The following MZT2B variants were observed in gnomAD, a reference collection of about 807,000 sequenced individuals.
MZT2B encodes mitotic-spindle organizing protein 2B.
In MZT2B, 11 loss-of-function variants were observed where a neutral mutation model predicts 12.1. The observed-to-expected ratio is 0.91, with a 90% CI of 0.57 to 1.50. MZT2B has a LOEUF of 1.50. Ranked by LOEUF, MZT2B falls within the 40% of genes most tolerant of loss-of-function variation. MZT2B has a pLI of 0.00. For synonymous variants in MZT2B, 85 were observed against 109.5 expected, an observed-to-expected ratio of 0.78 and a Z score of 1.40; for missense variants, 209 against 227.7, an observed-to-expected ratio of 0.92 and a Z score of 0.53.
the MZT2B span, among the ~76,000 whole-genome samples, chr2:130,199,550 G>GA: frequency 4.5e-4 from 53 of 116,764 alleles, 9 homozygotes; most frequent in African/African-American, 9.1e-4. Flanking sequence ...ACTCCATCTT[G>GA]AAAAAAAAAA....
the MZT2B span, chr2:130,202,490 T>G: frequency 8.6e-6 from 11 of 1,277,648 alleles, no homozygotes; most frequent in Admixed American, 9.3e-5. Context: ...TTGCAGAGTT[T>G]TGTAAGGTTC....
At chr2:130,195,218 C>T (rs781740873), downstream of MZT2B, 7 of 1,613,730 alleles carry the variant, frequency 4.3e-6, no homozygotes, top group South Asian at 1.1e-5. Flanking sequence ...GGTCCCTGTG[C>T]GCACTTCATC....
At chr2:130,182,473 C>G (rs1298723412) in intron 1 of MZT2B, 21 bp downstream of exon 1, 5 of 1,541,596 alleles carry the variant, frequency 3.2e-6, no homozygotes, top group Non-Finnish European at 4.4e-6. Context: ...CGGGTGGGGG[C>G]CGCATGCTAG....
chr2:130,184,894 G>C, intron 2 of MZT2B: 3 of 985,320 alleles, frequency 3.0e-6, no homozygotes, highest in South Asian at 4.7e-5. Flanking sequence ...GACCAGTGTG[G>C]TGGCTCACAC....
At chr2:130,192,136 G>A, downstream of MZT2B, 2 of 1,589,584 alleles carry the variant, frequency 1.3e-6, no homozygotes, top group South Asian at 2.3e-5. Context: ...ACCTGCCAGA[G>A]AAGGGAAAGA....
chr2:130,201,311 C>T, the MZT2B span, among the ~76,000 whole-genome samples: 2 of 152,224 alleles, frequency 1.3e-5, no homozygotes, highest in Non-Finnish European at 2.9e-5. Flanking sequence ...AAAAATACCA[C>T]TGACTGAGTG....
chr2:130,198,565 T>A, the MZT2B span: 1 of 566,900 alleles, frequency 1.8e-6, no homozygotes, highest in Non-Finnish European at 2.8e-6. Context: ...ACACGTGTAG[T>A]GGGGATGCTC....
intron 2 of MZT2B, chr2:130,183,103 C>T: frequency 2.1e-6 from 1 of 482,630 alleles, no homozygotes; most frequent in South Asian, 2.5e-5. Context: ...GGCGCCCTGG[C>T]TCACGCCTAT....
Position 130,182,451 on chromosome 2 carries a change from A to C in MZT2B, c.169A>C (p.Lys57Gln). The C allele has an allele frequency of 3.2e-6, 5 of 1,556,132 alleles. No individual in the cohort carries two copies. Among genetic ancestry groups the C allele is most frequent in the Non-Finnish European group, 3.5e-6 (4 of 1,151,942 alleles). ...AGGAIDPDVF[K>Q]ILVDLLKLNV... ...CGGCGCTATCGACCCCGACGTGTTC[A>C]AGTGAGCGGGGCGGGTGGGGGCCGC... is the stretch of plus-strand genomic sequence containing the variant. Residue 57 changes from lysine (K) to glutamine (Q), a missense_variant and splice_region_variant, in exon 1 of 3, where the codon AAG becomes CAG. Transcript: ENST00000281871.
downstream of MZT2B, chr2:130,194,019 C>G (rs575450816): frequency 1.8e-5 from 29 of 1,614,172 alleles, no homozygotes; most frequent in African/African-American, 2.4e-4. Flanking sequence ...GCTGAGATGA[C>G]TGGGGCGTAG....
At chr2:130,194,960 G>A, downstream of MZT2B, 3 of 1,537,494 alleles carry the variant, frequency 2.0e-6, no homozygotes, top group Non-Finnish European at 2.7e-6. Flanking sequence ...TTACACGTGT[G>A]AGCCACCGCG....
chr2:130,196,026 C>T, the MZT2B span: 5 of 1,372,586 alleles, frequency 3.6e-6, no homozygotes, highest in Admixed American at 8.4e-5. Context: ...CCTAACAATG[C>T]CATGGGCATA....
chr2:130,203,605 TTTTC>T, the MZT2B span, among the ~76,000 whole-genome samples: 7 of 151,588 alleles, frequency 4.6e-5, no homozygotes, highest in Non-Finnish European at 7.4e-5. Context: ...CTTAATTTTC[TTTTC>T]TTTCTTTTTT....
At chr2:130,189,636 A>G (rs1264624697) in intron 2 of MZT2B, among the ~76,000 whole-genome samples, 2 of 152,286 alleles carry the variant, frequency 1.3e-5, no homozygotes, top group East Asian at 3.9e-4. Context: ...GCACGTTTGT[A>G]CCTTGGAGGG....
chr2:130,185,853 T>C (rs1690040328), intron 2 of MZT2B, among the ~76,000 whole-genome samples: 1 of 152,128 alleles, frequency 6.6e-6, no homozygotes, highest in African/African-American at 2.4e-5. Context: ...CAGGGTCATT[T>C]GTTCCTTGAG....
chr2:130,201,587 C>CAG, the MZT2B span, among the ~76,000 whole-genome samples: 11 of 148,014 alleles, frequency 7.4e-5, no homozygotes, highest in African/African-American at 2.8e-4. Flanking sequence ...CTAATATTGG[C>CAG]GGGGGGGGAC....
chr2:130,183,563 T>C (rs528466972), intron 2 of MZT2B: 102 of 721,120 alleles, frequency 1.4e-4, no homozygotes, highest in East Asian at 6.2e-4. Context: ...CACAACCTCC[T>C]AGGCCAATGG....
chr2:130,196,086 G>A, the MZT2B span: 71 of 1,438,614 alleles, frequency 4.9e-5, no homozygotes, highest in Middle Eastern at 2.3e-4. Context: ...GAGCCCACAC[G>A]GGGCTTTACC....
chr2:130,187,187 CTTTTTATTTAT>C (rs1690098234), intron 2 of MZT2B, among the ~76,000 whole-genome samples: 1 of 151,520 alleles, frequency 6.6e-6, no homozygotes, highest in Non-Finnish European at 1.5e-5. Flanking sequence ...TTTTCTTTTA[CTTTTTATTTAT>C]TTATTTATTT....
Sources: allele counts gnomAD v4.1 joint callset (sites outside exome capture counted in the v4.1 genomes callset), GRCh38; gene constraint gnomAD v4.1.1; transcripts MANE v1.5; gene names NCBI Gene and HGNC (gene_info 2026-07-23, HGNC 2026-07-21).